The following NGFR variants were observed in gnomAD, a reference collection of about 807,000 sequenced individuals.
NGFR encodes the protein tumor necrosis factor receptor superfamily member 16.
In NGFR, 30 loss-of-function variants were observed where a neutral mutation model predicts 43.2. That is an observed-to-expected ratio of 0.69 (90% CI 0.52 to 0.94). NGFR has a LOEUF of 0.94. NGFR is among the 40% of genes least tolerant of loss of function. The pLI is 0.00. For missense variants in NGFR, 529 were observed against 602.5 expected (o/e 0.88, Z 1.28); for synonymous variants, 246 against 259.6 (o/e 0.95, Z 0.50).
Position 49,495,749 on chromosome 17 carries a change from G to A in NGFR, c.66+266G>A, listed in dbSNP as rs530184230. 4,908 of 386,276 alleles carry A rather than the reference G, an allele frequency of 0.013. 45 individuals carry two copies. Among genetic ancestry groups the A allele is most frequent in the Non-Finnish European group, 0.014 (3,062 of 218,698 alleles). 23.9% of individuals were successfully genotyped at this position (386,276 alleles called of 1,614,324 possible). ...ACCGCAGGGGGCGGTGGGGGAGCTG[G>A]GAGGGGTCTTTCAAGAGGGGGCATG... On this transcript the variant is annotated intron_variant, in intron 1 of 5. Coordinates refer to ENST00000172229, the MANE Select transcript of NGFR (RefSeq NM_002507.4). The surrounding 1 kb of genome is among the most constrained non-coding windows in gnomAD (Gnocchi z 6.4).
At chr17:49,505,025 G>A (rs1175566502) in intron 2 of NGFR, among the ~76,000 whole-genome samples, 1 of 151,962 alleles carries the variant, frequency 6.6e-6, no homozygotes, top group East Asian at 1.9e-4. Flanking sequence ...GCTCGCCTTG[G>A]CCTCCCAAAG....
At chr17:49,509,922 G>C (rs1182061316) in intron 3 of NGFR, among the ~76,000 whole-genome samples, 1 of 152,170 alleles carries the variant, frequency 6.6e-6, no homozygotes, top group Non-Finnish European at 1.5e-5. Flanking sequence ...TCTTTCCTTA[G>C]GACAGGAGTG....
chr17:49,500,265 A>C (rs545338272), intron 1 of NGFR, among the ~76,000 whole-genome samples: 2 of 152,322 alleles, frequency 1.3e-5, no homozygotes, highest in African/African-American at 4.8e-5. Flanking sequence ...AGGGCAGCAA[A>C]GCCTGGCAGT....
intron 2 of NGFR, among the ~76,000 whole-genome samples, chr17:49,503,352 C>A (rs1331567977): frequency 6.6e-6 from 1 of 152,192 alleles, no homozygotes; most frequent in Non-Finnish European, 1.5e-5. Context: ...GGTCCCTGAT[C>A]GGTGCCCCCA....
At chr17:49,507,760 A>AATGT (rs2071208659) in intron 3 of NGFR, among the ~76,000 whole-genome samples, 1 of 152,060 alleles carries the variant, frequency 6.6e-6, no homozygotes, top group South Asian at 2.1e-4. Flanking sequence ...CTGAGCAGGC[A>AATGT]ATATAGTACC....
intron 2 of NGFR, chr17:49,505,641 G>A (rs1260083212): frequency 6.6e-6 from 1 of 152,360 alleles, no homozygotes; most frequent in African/African-American, 2.4e-5. Context: ...GAGAGAGTGA[G>A]TGTGGGCTAA....
Position 49,514,525 on chromosome 17 carries a change from T to A in NGFR, c.*1516T>A, listed in dbSNP as rs1177780381. Reference sequence around the variant, plus strand: ...TGTTCTGTTTTGCCTGAAGTTGGAGTGAGTGTGGCTCCCCTCTATTTAGCA... The same window carrying A: ...TGTTCTGTTTTGCCTGAAGTTGGAGAGAGTGTGGCTCCCCTCTATTTAGCA... On this transcript the variant is annotated 3_prime_UTR_variant, in exon 6 of 6. Coordinates refer to ENST00000172229, the MANE Select transcript of NGFR (RefSeq NM_002507.4). The A allele has an allele frequency of 1.3e-5, 2 of 152,112 alleles. No homozygotes were observed. The highest frequency in any genetic ancestry group is 4.8e-5 in the African/African-American group (2 of 41,396). 9.4% of individuals were successfully genotyped at this position (152,112 alleles called of 1,614,324 possible). A position where few individuals can be genotyped will look rare whatever the true frequency, so the allele number is the denominator to read the frequency against.
rs749694524 is a variant in NGFR at position 49,511,979 on chromosome 17, C to T, written c.909C>T (p.Ser303=). 9 of 1,613,696 alleles carry T rather than the reference C, an allele frequency of 5.6e-6. No homozygotes were observed. The highest frequency in any genetic ancestry group is 3.3e-5 in the Admixed American group (2 of 59,950). Residue 303 remains serine, a synonymous_variant, in exon 5 of 6, where the codon AGC becomes AGT. Transcript: ENST00000172229. ...CACCAGAGGGAGAAAAACTCCACAG[C>T]GACAGTGGCATCTCCGTGGACAGCC... is the stretch of plus-strand genomic sequence containing the variant. The part of the protein sequence containing the change: ...TPPPEGEKLH[S]DSGISVDSQS...
chr17:49,499,744 C>T (rs1488484085), intron 1 of NGFR, among the ~76,000 whole-genome samples: 2 of 152,194 alleles, frequency 1.3e-5, no homozygotes, highest in South Asian at 2.1e-4. Context: ...CCCGCCACCA[C>T]GCCTGGCTAA....
intron 3 of NGFR, among the ~76,000 whole-genome samples, chr17:49,508,560 CTTACG>C (rs2071212926): frequency 6.6e-6 from 1 of 152,194 alleles, no homozygotes; most frequent in South Asian, 2.1e-4. Context: ...CCCGCATTTA[CTTACG>C]TTTCAGGTGT....
chr17:49,512,132 G>A lies in NGFR; in HGVS notation c.982+80G>A. The A allele has an allele frequency of 1.3e-6, 2 of 1,509,320 alleles. No individual in the cohort carries two copies. The highest frequency in any genetic ancestry group is 4.1e-5 in the Admixed American group (2 of 48,706). The allele number at this position is 1,509,320 out of a possible 1,614,324, so 93.5% of individuals were successfully genotyped here. A position where few individuals can be genotyped will look rare whatever the true frequency, so the allele number is the denominator to read the frequency against. ...GCAATTAAGATTAGACTCCAGGAAG[G>A]ACTGTCGGGGGGGCGGCAGGGCTGG... is the stretch of plus-strand genomic sequence containing the variant. On this transcript the variant is annotated intron_variant, in intron 5 of 5. Coordinates refer to ENST00000172229, the MANE Select transcript of NGFR (RefSeq NM_002507.4). The surrounding 1 kb of genome is among the most constrained non-coding windows in gnomAD (Gnocchi z 5.2).
At position 49,512,126 on chromosome 17, in the gene NGFR, A is replaced by G; in HGVS notation, c.982+74A>G. 3 of 1,532,376 alleles carry G rather than the reference A, an allele frequency of 2.0e-6. No homozygotes were observed. Among genetic ancestry groups the G allele is most frequent in the Non-Finnish European group, 2.6e-6 (3 of 1,134,914 alleles). 94.9% of individuals were successfully genotyped at this position (1,532,376 alleles called of 1,614,324 possible). ...ACAGAAGCAATTAAGATTAGACTCC[A>G]GGAAGGACTGTCGGGGGGGCGGCAG... On this transcript the variant is annotated intron_variant, in intron 5 of 5. Transcript: ENST00000172229. This position sits in a 1 kb window ranked among gnomAD's most constrained non-coding sequence, Gnocchi z 5.2.
At chr17:49,497,973 T>G (rs2071148611) in intron 1 of NGFR, among the ~76,000 whole-genome samples, 1 of 152,250 alleles carries the variant, frequency 6.6e-6, no homozygotes, top group African/African-American at 2.4e-5. Flanking sequence ...GAGTTCCTAC[T>G]AAGTGCCTTG....
chr17:49,510,805 C>T, intron 4 of NGFR, 141 bp downstream of exon 4: 1 of 1,073,276 alleles, frequency 9.3e-7, no homozygotes, highest in Non-Finnish European at 1.4e-6. Flanking sequence ...TCTGCCGCCC[C>T]ACTCCAGGGT....
rs1056256835 is a variant in NGFR, at chr17:49,512,479, A to G, written c.983-229A>G. 7.2e-5 allele frequency among the ~76,000 whole-genome samples: 11 copies of G among 152,130 alleles called. No homozygotes were observed. Among genetic ancestry groups the G allele is most frequent in the Admixed American group, 7.2e-4 (11 of 15,272 alleles). The stretch of plus-strand genomic sequence containing the variant: ...TGCCATGATTAATTGCTGGGGGGGA[A>G]GAGAGGAGGGATGGGGATAGGGATT... On this transcript the variant is annotated intron_variant, in intron 5 of 5. Transcript: ENST00000172229. The surrounding 1 kb of genome is among the most constrained non-coding windows in gnomAD (Gnocchi z 5.2).
chr17:49,512,752 A>T lies in NGFR; in HGVS notation c.1027A>T (p.Lys343Ter). Residue 343 changes from lysine to a stop codon, truncating the protein, a stop_gained, in exon 6 of 6, where the codon AAG becomes TAG. Transcript: ENST00000172229. LOFTEE classifies it high-confidence loss of function. The surrounding 1 kb of genome is among the most constrained non-coding windows in gnomAD (Gnocchi z 5.2). ...GGLYSSLPPA[K>*]REEVEKLLNG... ...CCTCTACAGCAGCCTGCCCCCAGCC[A>T]AGCGGGAGGAGGTGGAGAAGCTTCT... is the stretch of plus-strand genomic sequence containing the variant. 1 of 1,612,612 alleles carries T rather than the reference A, an allele frequency of 6.2e-7. No homozygotes were observed. The highest frequency in any genetic ancestry group is 1.1e-5 in the South Asian group (1 of 90,988).
intron 2 of NGFR, among the ~76,000 whole-genome samples, chr17:49,504,185 A>G (rs535958172): frequency 1.3e-4 from 20 of 152,286 alleles, no homozygotes; most frequent in African/African-American, 4.8e-4. Context: ...ATTCTCTGCC[A>G]AAAAAGACCA....
chr17:49,511,133 A>G (rs1567741334), intron 4 of NGFR: 1 of 153,074 alleles, frequency 6.5e-6, no homozygotes. Flanking sequence ...AAAAAAAAAA[A>G]TCATCAAAGT....
intron 1 of NGFR, among the ~76,000 whole-genome samples, chr17:49,498,773 A>G (rs2071152367): frequency 6.6e-6 from 1 of 152,196 alleles, no homozygotes; most frequent in Non-Finnish European, 1.5e-5. Flanking sequence ...TAACACATAC[A>G]AATTTCAGGG....
Sources: allele counts gnomAD v4.1 joint callset (sites outside exome capture counted in the v4.1 genomes callset), GRCh38; gene constraint gnomAD v4.1.1; non-coding constraint Gnocchi (gnomAD v3.1); transcripts MANE v1.5; gene names NCBI Gene and HGNC (gene_info 2026-07-23, HGNC 2026-07-21).